The following SV2C variants were observed in gnomAD, a reference collection of about 807,000 sequenced individuals.
SV2C encodes solute carrier family 22 member B3.
Under a neutral mutation model 79.7 loss-of-function variants are expected in SV2C, and 49 were observed. The observed-to-expected ratio is 0.61, with a 90% confidence interval of 0.49 to 0.78. SV2C has a LOEUF of 0.78. SV2C is among the 30% of genes least tolerant of loss of function. The pLI is 0.00. For missense variants in SV2C, 833 were observed against 912.9 expected, an observed-to-expected ratio of 0.91 and a Z score of 1.13; for synonymous variants, 334 against 333.2, an observed-to-expected ratio of 1.00 and a Z score of -0.03.
At chr5:76,090,285 TC>T (rs2112095219) in intron 1 of SV2C, among the ~76,000 whole-genome samples, 1 of 152,314 alleles carries the variant, frequency 6.6e-6, no homozygotes, top group African/African-American at 2.4e-5. Flanking sequence ...GAGTGTGGGG[TC>T]CCATGTTTCC....
intron 1 of SV2C, among the ~76,000 whole-genome samples, chr5:76,101,865 A>G (rs907170266): frequency 1.3e-5 from 2 of 152,170 alleles, no homozygotes; most frequent in African/African-American, 4.8e-5. Context: ...CATGATTATG[A>G]GGACATTGAG....
chr5:75,898,188 A>T, the SV2C span, among the ~76,000 whole-genome samples: 6 of 152,222 alleles, frequency 3.9e-5, no homozygotes, highest in East Asian at 1.9e-4. Flanking sequence ...CCATTCAGTA[A>T]GATATTGGCT....
chr5:75,903,378 TAAAAA>T, the SV2C span, among the ~76,000 whole-genome samples: 16 of 146,390 alleles, frequency 1.1e-4, no homozygotes, highest in African/African-American at 3.5e-4. Flanking sequence ...TTTTTTTTTT[TAAAAA>T]AAAAAGAAAT....
chr5:76,068,862 A>G, the SV2C span, among the ~76,000 whole-genome samples: 1 of 152,180 alleles, frequency 6.6e-6, no homozygotes, highest in Non-Finnish European at 1.5e-5. Context: ...CCTAGAGAGC[A>G]AAGCCCTTGC....
At chr5:75,994,868 TGA>T in the SV2C span, among the ~76,000 whole-genome samples, 1 of 152,080 alleles carries the variant, frequency 6.6e-6, no homozygotes, top group Non-Finnish European at 1.5e-5. Context: ...TTCAAAGGCC[TGA>T]GAACGAGGGG....
chr5:75,918,588 G>A, the SV2C span, among the ~76,000 whole-genome samples: 2 of 152,226 alleles, frequency 1.3e-5, no homozygotes, highest in Non-Finnish European at 2.9e-5. Flanking sequence ...GGCCCATGCC[G>A]CTTGTGTGTG....
chr5:76,276,418 A>T (rs1349925503), intron 4 of SV2C, among the ~76,000 whole-genome samples: 1 of 151,992 alleles, frequency 6.6e-6, no homozygotes, highest in Non-Finnish European at 1.5e-5. Flanking sequence ...CCTTTCCAGG[A>T]CTCCCTCTCA....
At chr5:76,007,012 T>A in the SV2C span, among the ~76,000 whole-genome samples, 1 of 152,204 alleles carries the variant, frequency 6.6e-6, no homozygotes, top group Non-Finnish European at 1.5e-5. Context: ...AACTTCACAG[T>A]GTAAGTACTA....
At chr5:76,077,485 C>G in the SV2C span, among the ~76,000 whole-genome samples, 7 of 151,948 alleles carry the variant, frequency 4.6e-5, no homozygotes, top group African/African-American at 1.5e-4. Context: ...AATAAGAGGG[C>G]GAGTAGGAAG....
the SV2C span, among the ~76,000 whole-genome samples, chr5:76,003,222 C>T: frequency 2.0e-5 from 3 of 152,150 alleles, no homozygotes; most frequent in African/African-American, 7.2e-5. Context: ...AACCTTAAAC[C>T]TCTTTCCTTT....
rs941628473 is a variant in SV2C at position 76,237,651 on chromosome 5, C to T, written c.913+27764C>T. On this transcript the variant is annotated intron_variant, in intron 4 of 12. Coordinates refer to ENST00000502798, the MANE Select transcript of SV2C (RefSeq NM_014979.4). Reference sequence around the variant, plus strand: ...TTATTGTGTTTTGGTCCTTGCATAACTGACAGTGTCTTTATCATACCACAT... The same window carrying T: ...TTATTGTGTTTTGGTCCTTGCATAATTGACAGTGTCTTTATCATACCACAT... 3.9e-5 allele frequency among the ~76,000 whole-genome samples: 6 copies of T among 152,150 alleles called. 1 individual carries two copies. The highest frequency in any genetic ancestry group is 3.9e-4 in the Admixed American group (6 of 15,276).
chr5:75,894,972 T>C, the SV2C span, among the ~76,000 whole-genome samples: 2 of 152,096 alleles, frequency 1.3e-5, no homozygotes, highest in African/African-American at 4.8e-5. Flanking sequence ...TCTCTGAAGA[T>C]GCATACGGAG....
chr5:76,141,920 GC>G (rs2112209935), intron 2 of SV2C, among the ~76,000 whole-genome samples: 1 of 149,332 alleles, frequency 6.7e-6, no homozygotes, highest in South Asian at 2.1e-4. Context: ...ATTGGATCAA[GC>G]CAAATATAAT....
chr5:76,275,686 C>T (rs2937750), intron 4 of SV2C, among the ~76,000 whole-genome samples: 21,935 of 152,076 alleles, frequency 0.14, 2,124 homozygotes, highest in African/African-American at 0.27. Context: ...CTGTTTTCTG[C>T]GGTCACAGAG....
intron 1 of SV2C, chr5:76,084,335 G>A (rs930556021): frequency 2.0e-5 from 3 of 152,340 alleles, no homozygotes; most frequent in Non-Finnish European, 4.4e-5. Context: ...TGGCGATGAG[G>A]GCAGCAAAAG....
At chr5:76,033,992 C>G in the SV2C span, among the ~76,000 whole-genome samples, 1 of 152,122 alleles carries the variant, frequency 6.6e-6, no homozygotes, top group East Asian at 1.9e-4. Flanking sequence ...TCCTAGGTAT[C>G]TTATTTTCTT....
rs1325240158 is a variant in SV2C at position 76,173,161 on chromosome 5, T to C, written c.581-21758T>C. ...TGACCTTGAATTTCTTAAAAAAAAT[T>C]ACAATAAGCTACAAGTATCAAAGAA... On this transcript the variant is annotated intron_variant, in intron 2 of 12. Transcript: ENST00000502798. Among the ~76,000 whole-genome samples, 3 of 149,210 alleles carry C rather than the reference T, an allele frequency of 2.0e-5. No homozygotes were observed. The East Asian group carries it at 5.8e-4, about 29-fold the overall frequency.
the SV2C span, among the ~76,000 whole-genome samples, chr5:76,044,917 T>C: frequency 6.6e-6 from 1 of 152,230 alleles, no homozygotes; most frequent in Non-Finnish European, 1.5e-5. Flanking sequence ...CTCTTTAGTT[T>C]AATTAGATCC....
chr5:76,340,748 A>ACT (rs1005605044), intron 12 of SV2C, among the ~76,000 whole-genome samples: 3 of 151,952 alleles, frequency 2.0e-5, no homozygotes, highest in African/African-American at 7.3e-5. Flanking sequence ...AAGATTGCAA[A>ACT]TTTTCTAGTT....
Sources: allele counts gnomAD v4.1 joint callset (sites outside exome capture counted in the v4.1 genomes callset), GRCh38; gene constraint gnomAD v4.1.1; transcripts MANE v1.5; gene names NCBI Gene and HGNC (gene_info 2026-07-23, HGNC 2026-07-21).